The following KDM5A variants were observed in gnomAD, a reference collection of about 807,000 sequenced individuals.
The protein encoded by KDM5A is lysine-specific demethylase 5A.
Under a neutral mutation model 193.5 loss-of-function variants are expected in KDM5A, and 42 were observed. The observed-to-expected ratio is 0.22, with a 90% CI of 0.17 to 0.28. KDM5A has a LOEUF of 0.28. KDM5A is among the 10% of genes least tolerant of loss of function. The pLI, the probability that KDM5A is intolerant of heterozygous loss-of-function variation, is 1.00. For missense variants in KDM5A, 1,692 were observed against 2,055.1 expected (o/e 0.82, Z 3.42); for synonymous variants, 796 against 718.1 (o/e 1.11, Z -1.73).
At position 297,153 on chromosome 12, in the gene KDM5A, A is replaced by G. The variant is rs535912611; in HGVS notation, c.4122T>C (p.Phe1374=). ...KSSSSLEPNL[F]CDEEIPIKSE... ...ATTTGATGGGAATCTCTTCATCACA[A>G]AAAAGATTGGGTTCAAGACTACTAG... Residue 1374 remains phenylalanine, a synonymous_variant, in exon 25 of 28, where the codon TTT becomes TTC. Coordinates refer to ENST00000399788, the MANE Select transcript of KDM5A (RefSeq NM_001042603.3). The G allele has an allele frequency of 3.1e-6, 5 of 1,614,098 alleles. No individual in the cohort carries two copies. In the East Asian group the frequency reaches 6.7e-5, roughly 22 times the overall value.
intron 3 of KDM5A, among the ~76,000 whole-genome samples, chr12:373,779 G>A (rs1275927104): frequency 6.6e-6 from 1 of 152,132 alleles, no homozygotes; most frequent in Non-Finnish European, 1.5e-5. Flanking sequence ...GGTATGTTGT[G>A]TTTTTGTTCT....
intron 24 of KDM5A, among the ~76,000 whole-genome samples, chr12:301,670 T>C (rs1943442408): frequency 6.6e-6 from 1 of 152,204 alleles, no homozygotes; most frequent in Non-Finnish European, 1.5e-5. Flanking sequence ...TGTTGGAAGT[T>C]CTGGCCAGGG....
At chr12:355,830 A>T (rs571169191) in intron 6 of KDM5A, among the ~76,000 whole-genome samples, 1 of 152,322 alleles carries the variant, frequency 6.6e-6, no homozygotes, top group East Asian at 1.9e-4. Flanking sequence ...TTAAGTTCTC[A>T]TATAGTCAAA....
chr12:347,147 G>C (rs1944088855), intron 10 of KDM5A, among the ~76,000 whole-genome samples: 2 of 152,088 alleles, frequency 1.3e-5, no homozygotes, highest in Admixed American at 6.6e-5. Context: ...AATCATGAGT[G>C]AACTCCCATT....
chr12:353,084 T>A (rs1226192342), intron 8 of KDM5A, among the ~76,000 whole-genome samples: 1 of 152,088 alleles, frequency 6.6e-6, no homozygotes, highest in African/African-American at 2.4e-5. Flanking sequence ...GTGGCTCGTG[T>A]CTGTAATCCC....
chr12:337,903 A>G (rs556741396), intron 10 of KDM5A, among the ~76,000 whole-genome samples: 2 of 152,260 alleles, frequency 1.3e-5, no homozygotes, highest in East Asian at 3.9e-4. Flanking sequence ...CTGACCTCCC[A>G]AAGTGCTGAG....
In KDM5A at chr12:285,946, T is replaced by C. The variant is rs879141284; in HGVS notation, c.4867-284A>G. 6.6e-5 allele frequency among the ~76,000 whole-genome samples: 10 copies of C among 152,104 alleles called. No homozygotes were observed. The East Asian group carries it at 7.7e-4, about 12-fold the overall frequency. On this transcript the variant is annotated intron_variant, in intron 27 of 27. Coordinates refer to ENST00000399788, the MANE Select transcript of KDM5A (RefSeq NM_001042603.3). Reference sequence around the variant, plus strand: ...AGGCAGAAACATGTTTGAGAAAAATTTGACAAAAAGGGAACTTCTAATAGA... The same window carrying C: ...AGGCAGAAACATGTTTGAGAAAAATCTGACAAAAAGGGAACTTCTAATAGA...
intron 19 of KDM5A, among the ~76,000 whole-genome samples, chr12:316,610 G>A (rs183150288): frequency 1.3e-5 from 2 of 152,114 alleles, no homozygotes; most frequent in East Asian, 1.9e-4. Flanking sequence ...TACCAGGTGC[G>A]CCACGTTTAT....
chr12:375,144 T>G (rs890078980), intron 3 of KDM5A, among the ~76,000 whole-genome samples: 3 of 152,194 alleles, frequency 2.0e-5, no homozygotes, highest in African/African-American at 7.2e-5. Context: ...TTGGGGAAGT[T>G]CTCCTGGATA....
At chr12:376,232 T>A (rs900293700) in intron 3 of KDM5A, among the ~76,000 whole-genome samples, 14 of 152,190 alleles carry the variant, frequency 9.2e-5, no homozygotes, top group African/African-American at 3.1e-4. Context: ...CTCCACCCAG[T>A]TCGAGCTTCT....
chr12:281,102 C>T lies in KDM5A; in HGVS notation c.*4354G>A. 8.6e-6 allele frequency: 2 copies of T among 232,958 alleles called. No individual in the cohort carries two copies. Among genetic ancestry groups the T allele is most frequent in the Non-Finnish European group, 1.7e-5 (2 of 117,880 alleles). 14.4% of individuals were successfully genotyped at this position (232,958 alleles called of 1,614,324 possible). A position where few individuals can be genotyped will look rare whatever the true frequency, so the allele number is the denominator to read the frequency against. On this transcript the variant is annotated 3_prime_UTR_variant, in exon 28 of 28. Transcript: ENST00000399788. ...TATGGGTGTGGGGAACCTGAGCATA[C>T]ACACAATTTTTTAAATCTTTTAGAT...
chr12:293,809 T>C (rs972958779), intron 26 of KDM5A, among the ~76,000 whole-genome samples: 6 of 149,228 alleles, frequency 4.0e-5, no homozygotes. Context: ...GGGATTTATG[T>C]TATTCTAAAG....
intron 3 of KDM5A, among the ~76,000 whole-genome samples, chr12:372,189 C>T (rs542972789): frequency 1.6e-4 from 25 of 152,282 alleles, no homozygotes; most frequent in African/African-American, 6.0e-4. Context: ...CTACCTTGGG[C>T]AGTATGGCCA....
chr12:333,270 T>C, intron 12 of KDM5A: 1 of 573,132 alleles, frequency 1.7e-6, no homozygotes, highest in East Asian at 3.0e-5. Flanking sequence ...AATACAACAA[T>C]TAGCCGGGGG....
intron 4 of KDM5A, 62 bp downstream of exon 4, chr12:365,872 A>C: frequency 6.5e-6 from 10 of 1,548,138 alleles, no homozygotes; most frequent in Middle Eastern, 3.4e-4. Flanking sequence ...AACACAGTCT[A>C]AAGTTTGTAC....
chr12:313,161 A>C lies in KDM5A; in HGVS notation c.2931T>G (p.Ile977Met). 1 of 1,614,116 alleles carries C rather than the reference A, an allele frequency of 6.2e-7. No homozygotes were observed. ...PRHSVASLES[I>M]VNEAKNIPAF... ...CTGGAATGTTCTTGGCTTCATTCAC[A>C]ATGCTTTCTAAACTTGCCACACTGT... is the stretch of plus-strand genomic sequence containing the variant. Residue 977 changes from isoleucine (I) to methionine (M), a missense_variant, in exon 20 of 28, where the codon ATT (isoleucine) becomes ATG (methionine). By Grantham distance (10) the Ile-to-Met change is conservative. Transcript: ENST00000399788.
At chr12:361,499 T>C (rs1036565584) in intron 5 of KDM5A, among the ~76,000 whole-genome samples, 5 of 152,014 alleles carry the variant, frequency 3.3e-5, no homozygotes, top group Non-Finnish European at 7.4e-5. Context: ...CGGCCTGTAG[T>C]CCCCATTTTT....
intron 11 of KDM5A, 80 bp downstream of exon 11, chr12:334,161 T>C (rs1591918101): frequency 2.3e-6 from 3 of 1,310,426 alleles, no homozygotes; most frequent in Non-Finnish European, 3.3e-6. Flanking sequence ...TCTATAAACC[T>C]TAAAGATCAA....
intron 27 of KDM5A, 62 bp downstream of exon 27, chr12:292,697 T>C: frequency 1.9e-6 from 3 of 1,604,900 alleles, no homozygotes. Context: ...ATATCAAACA[T>C]GTGTCTCCAC....
Sources: allele counts gnomAD v4.1 joint callset (sites outside exome capture counted in the v4.1 genomes callset), GRCh38; gene constraint gnomAD v4.1.1; transcripts MANE v1.5; gene names NCBI Gene and HGNC (gene_info 2026-07-23, HGNC 2026-07-21).